The following SPAG16 variants were observed in gnomAD, a reference collection of about 807,000 sequenced individuals.
SPAG16 encodes sperm-associated antigen 16 protein.
In SPAG16, 86 loss-of-function variants were observed where a neutral mutation model predicts 80.4. The ratio of observed to expected loss-of-function variants is 1.07; its 90% confidence interval spans 0.90 to 1.28. SPAG16 has a LOEUF of 1.28. SPAG16 is among the 50% of genes most tolerant of loss of function. The pLI, the probability that SPAG16 is intolerant of heterozygous loss-of-function variation, is 0.00. For missense variants in SPAG16, 870 were observed against 765.3 expected (o/e 1.14, Z -1.61); for synonymous variants, 294 against 265.9 (o/e 1.11, Z -1.03).
chr2:213,785,349 C>T (rs2070270657), intron 10 of SPAG16, among the ~76,000 whole-genome samples: 1 of 152,024 alleles, frequency 6.6e-6, no homozygotes, highest in South Asian at 2.1e-4. Flanking sequence ...AGAAAGAAAA[C>T]AATTGAACAG....
intron 15 of SPAG16, among the ~76,000 whole-genome samples, chr2:214,190,704 G>T (rs937067464): frequency 1.3e-5 from 2 of 152,022 alleles, no homozygotes; most frequent in African/African-American, 4.8e-5. Context: ...CCCCATGATG[G>T]CATCAATGTC....
intron 5 of SPAG16, among the ~76,000 whole-genome samples, chr2:213,335,799 G>C (rs1050925977): frequency 6.6e-6 from 1 of 152,002 alleles, no homozygotes; most frequent in Admixed American, 6.6e-5. Context: ...GTTTATTTAC[G>C]TGTAATGAAA....
rs146938892 is a variant in SPAG16 at position 214,105,968 on chromosome 2, A to C, written c.1528-2228A>C. Among the ~76,000 whole-genome samples, 759 of 152,168 alleles carry C rather than the reference A, an allele frequency of 5.0e-3. 6 individuals carry two copies. Among genetic ancestry groups the C allele is most frequent in the African/African-American group, 0.018 (733 of 41,510 alleles). On this transcript the variant is annotated intron_variant, in intron 13 of 15. Transcript: ENST00000331683. ...CCGTCAGCATTTCCTTTATAACCCCATATTTCCAGGGTTTTTCAAGAGTGC... is the reference window on the plus strand; with the variant it reads ...CCGTCAGCATTTCCTTTATAACCCCCTATTTCCAGGGTTTTTCAAGAGTGC...
chr2:214,316,918 C>T (rs1331837731), intron 15 of SPAG16, among the ~76,000 whole-genome samples: 1 of 152,190 alleles, frequency 6.6e-6, no homozygotes, highest in Non-Finnish European at 1.5e-5. Context: ...CTAATTTTGC[C>T]AGACCCTAGG....
intron 9 of SPAG16, among the ~76,000 whole-genome samples, chr2:213,431,915 TA>T (rs1242470360): frequency 2.6e-5 from 4 of 152,116 alleles, no homozygotes; most frequent in Admixed American, 1.3e-4. Context: ...CTAACTATAG[TA>T]AAATGAAACT....
At chr2:213,883,827 G>A (rs2076446645) in intron 11 of SPAG16, among the ~76,000 whole-genome samples, 1 of 152,088 alleles carries the variant, frequency 6.6e-6, no homozygotes, top group Non-Finnish European at 1.5e-5. Flanking sequence ...TATGAGAATA[G>A]TGACTCCTGT....
chr2:213,997,397 G>C lies in SPAG16; in HGVS notation c.1401-16554G>C, dbSNP rs1012270670. Among the ~76,000 whole-genome samples, 11 of 152,148 alleles carry C rather than the reference G, an allele frequency of 7.2e-5. No individual in the cohort carries two copies. In the East Asian group the frequency reaches 2.1e-3, roughly 29 times the overall value. Reference sequence around the variant, plus strand: ...GTTCGGCCTACATAACAGAAAGTGGGAGATAATGGGGAACTAATTTTCCAA... The same window carrying C: ...GTTCGGCCTACATAACAGAAAGTGGCAGATAATGGGGAACTAATTTTCCAA... On this transcript the variant is annotated intron_variant, in intron 12 of 15. Coordinates refer to ENST00000331683, the MANE Select transcript of SPAG16 (RefSeq NM_024532.5).
At chr2:214,115,648 G>A (rs769810441) in intron 14 of SPAG16, among the ~76,000 whole-genome samples, 7 of 152,066 alleles carry the variant, frequency 4.6e-5, no homozygotes, top group Non-Finnish European at 8.8e-5. Flanking sequence ...GGAGACTGAG[G>A]CAGGCAGATC....
At chr2:213,695,655 C>T (rs975682962) in intron 10 of SPAG16, among the ~76,000 whole-genome samples, 6 of 152,162 alleles carry the variant, frequency 3.9e-5, no homozygotes, top group African/African-American at 1.4e-4. Context: ...GAGGAAGAGA[C>T]ATTTGGTCAG....
intron 10 of SPAG16, among the ~76,000 whole-genome samples, chr2:213,632,830 A>G (rs1269478607): frequency 6.6e-6 from 1 of 152,166 alleles, no homozygotes; most frequent in South Asian, 2.1e-4. Context: ...CCACTTGGTC[A>G]TGATGAATAA....
Position 214,014,092 on chromosome 2 carries a change from C to T in SPAG16, c.1527+15C>T. 1.9e-6 allele frequency: 3 copies of T among 1,610,716 alleles called. No homozygotes were observed. Among genetic ancestry groups the T allele is most frequent in the African/African-American group, 1.3e-5 (1 of 74,952 alleles). Reference sequence around the variant, plus strand: ...ATGCAAGAACAGTAAGCAAATCATTCACTTTTTTTCCCAGCTTTTGATAAG... The same window carrying T: ...ATGCAAGAACAGTAAGCAAATCATTTACTTTTTTTCCCAGCTTTTGATAAG... On this transcript the variant is annotated intron_variant, in intron 13 of 15. Coordinates refer to ENST00000331683, the MANE Select transcript of SPAG16 (RefSeq NM_024532.5).
chr2:214,031,467 G>A, intron 13 of SPAG16, among the ~76,000 whole-genome samples: 1 of 99,388 alleles, frequency 1.0e-5, no homozygotes, highest in Non-Finnish European at 2.0e-5. Flanking sequence ...AGGGGGGAGG[G>A]ATAGCATTAG....
At chr2:213,407,594 CAGGAG>C in intron 9 of SPAG16, among the ~76,000 whole-genome samples, 1 of 104,594 alleles carries the variant, frequency 9.6e-6, no homozygotes, top group East Asian at 3.0e-4. Flanking sequence ...GAGAGAGAGA[CAGGAG>C]AGAGAGAGAG....
At chr2:213,645,151 G>A (rs2062775359) in intron 10 of SPAG16, among the ~76,000 whole-genome samples, 1 of 152,188 alleles carries the variant, frequency 6.6e-6, no homozygotes, top group Non-Finnish European at 1.5e-5. Flanking sequence ...GCCATGAGGA[G>A]TACTGCCAGA....
intron 10 of SPAG16, among the ~76,000 whole-genome samples, chr2:213,705,091 A>C (rs965107000): frequency 6.6e-6 from 1 of 152,000 alleles, no homozygotes; most frequent in Non-Finnish European, 1.5e-5. Context: ...TCCCTACTAA[A>C]AAAAAACAAA....
chr2:213,705,987 T>C (rs2065737647), intron 10 of SPAG16, among the ~76,000 whole-genome samples: 1 of 152,214 alleles, frequency 6.6e-6, no homozygotes, highest in Admixed American at 6.5e-5. Context: ...TTGCAAACAA[T>C]ATAGATAATT....
intron 1 of SPAG16, among the ~76,000 whole-genome samples, chr2:213,293,372 G>T (rs1031220536): frequency 9.9e-5 from 15 of 152,160 alleles, no homozygotes; most frequent in Non-Finnish European, 1.8e-4. Flanking sequence ...ATGCTCTTGT[G>T]TAATCCTCAC....
Position 213,811,264 on chromosome 2 carries a change from A to C in SPAG16, c.1071-51221A>C, listed in dbSNP as rs1480805023. Among the ~76,000 whole-genome samples the C allele has an allele frequency of 2.0e-5, 3 of 152,186 alleles. No individual in the cohort carries two copies. In the East Asian group the frequency reaches 5.8e-4, roughly 29 times the overall value. On this transcript the variant is annotated intron_variant, in intron 10 of 15. Transcript: ENST00000331683. ...ATCTCTTTCATTTATTAATGACTAT[A>C]ATTAAGGTACACATTTGCTAAGACC...
At chr2:213,900,943 A>G (rs779527654) in intron 11 of SPAG16, among the ~76,000 whole-genome samples, 1 of 152,204 alleles carries the variant, frequency 6.6e-6, no homozygotes, top group Non-Finnish European at 1.5e-5. Flanking sequence ...AATTCATTCT[A>G]AGGCAGAGTT....
Sources: allele counts gnomAD v4.1 joint callset (sites outside exome capture counted in the v4.1 genomes callset), GRCh38; gene constraint gnomAD v4.1.1; transcripts MANE v1.5; gene names NCBI Gene and HGNC (gene_info 2026-07-23, HGNC 2026-07-21).